Variants in WNT9B observed in about 807,000 individuals in gnomAD.
WNT9B encodes protein Wnt-9b.
A neutral mutation model predicts 30.2 loss-of-function variants in WNT9B; 12 were observed. The ratio of observed to expected loss-of-function variants is 0.40; its 90% CI spans 0.26 to 0.64. The LOEUF is 0.64. Among genes scored for constraint, WNT9B ranks in the 30% least tolerant of loss-of-function variants. WNT9B has a pLI of 0.42. For missense variants in WNT9B, 442 were observed against 485.2 expected, an observed-to-expected ratio of 0.91 and a Z score of 0.84; for synonymous variants, 218 against 216.9, an observed-to-expected ratio of 1.01 and a Z score of -0.05.
rs1035791283 is a variant in WNT9B, at chr17:46,879,970, C to T, written c.*3252C>T. ...AAGCTTGGGCTACACCACTGGGCCC[C>T]TCCCAACCTACAGATGAATTTTGAT... is the stretch of plus-strand genomic sequence containing the variant. On this transcript the variant is annotated 3_prime_UTR_variant, in exon 4 of 4. Transcript: ENST00000290015. Among the ~76,000 whole-genome samples the T allele has an allele frequency of 6.6e-6, 1 of 152,240 alleles. No individual in the cohort carries two copies. The highest frequency in any genetic ancestry group is 2.4e-5 in the African/African-American group (1 of 41,466).
intron 2 of WNT9B, 34 bp from the exon 3 acceptor site, chr17:46,875,067 C>T: frequency 6.2e-7 from 1 of 1,613,382 alleles, no homozygotes; most frequent in South Asian, 1.1e-5. Flanking sequence ...TTCCCCCTTT[C>T]CTCCCTCCCT....
At chr17:46,838,252 G>A (rs1285188520) in intron 1 of WNT9B, among the ~76,000 whole-genome samples, 1 of 151,790 alleles carries the variant, frequency 6.6e-6, no homozygotes, top group Non-Finnish European at 1.5e-5. Flanking sequence ...AAGGTGGGGA[G>A]GGAAGGAAGG....
intron 1 of WNT9B, among the ~76,000 whole-genome samples, chr17:46,870,904 CTTTTT>C (rs144277402): frequency 7.7e-5 from 6 of 78,388 alleles, no homozygotes; most frequent in African/African-American, 2.5e-4. Flanking sequence ...TCCACCTTTG[CTTTTT>C]TTTTTTTTTT....
Position 46,851,685 on chromosome 17 carries a change from C to T in WNT9B, c.47C>T (p.Ala16Val). The stretch of plus-strand genomic sequence containing the variant: ...GCCCTGGCCGGGCTCTGCCTGCTGG[C>T]GCTGCCCGCCGCCGCCGCCTCCTAC... ...ALALAGLCLL[A>V]LPAAAASYFG... The change falls in exon 1 of 4, where the codon GCG (alanine) becomes GTG (valine). Residue 16 changes from alanine to valine, a missense_variant. Coordinates refer to ENST00000290015, the MANE Select transcript of WNT9B (RefSeq NM_003396.3). This position sits in a 1 kb window ranked among gnomAD's most constrained non-coding sequence, Gnocchi z 4.3. 7.6e-7 allele frequency: 1 copy of T among 1,308,694 alleles called. No individual in the cohort carries two copies. Among genetic ancestry groups the T allele is most frequent in the Middle Eastern group, 2.7e-4 (1 of 3,656 alleles). The allele number at this position is 1,308,694 out of a possible 1,614,324, so 81.1% of individuals were successfully genotyped here.
rs1431848216 is a variant in WNT9B at position 46,875,335 on chromosome 17, C to G, written c.569C>G (p.Ala190Gly). ...GGAAACAAGGACCTGCGGGCACGGGCAGACGCCCACAATACCCACGTGGGC... is the reference window on the plus strand; with the variant it reads ...GGAAACAAGGACCTGCGGGCACGGGGAGACGCCCACAATACCCACGTGGGC... ...KRGNKDLRAR[A>G]DAHNTHVGIK... The change falls in exon 3 of 4, where the codon GCA becomes GGA. Residue 190 changes from alanine to glycine, a missense_variant. Transcript: ENST00000290015. 6.2e-7 allele frequency: 1 copy of G among 1,611,024 alleles called. No homozygotes were observed. The highest frequency in any genetic ancestry group is 1.3e-5 in the African/African-American group (1 of 75,022).
At chr17:46,856,062 C>G (rs1202616001) in intron 1 of WNT9B, among the ~76,000 whole-genome samples, 1 of 152,186 alleles carries the variant, frequency 6.6e-6, no homozygotes, top group Admixed American at 6.6e-5. Context: ...GTTTTTAAAT[C>G]ATAATTAACT....
At chr17:46,838,376 C>T (rs1293486951) in intron 1 of WNT9B, among the ~76,000 whole-genome samples, 24 of 151,492 alleles carry the variant, frequency 1.6e-4, no homozygotes, top group African/African-American at 5.8e-4. Context: ...CTTGTAATCC[C>T]AACTTTTTGG....
In WNT9B at chr17:46,879,028, AC is replaced by A. The variant is rs917863541; in HGVS notation, c.*2311del. Reference sequence around the variant, plus strand: ...GGGGCCCCTGGGGACTAGAGTGACCACTGACCCCTCATTCTACAGCTTTAAG... The same window carrying A: ...GGGGCCCCTGGGGACTAGAGTGACCATGACCCCTCATTCTACAGCTTTAAG... On this transcript the variant is annotated 3_prime_UTR_variant, in exon 4 of 4. Coordinates refer to ENST00000290015, the MANE Select transcript of WNT9B (RefSeq NM_003396.3). Among the ~76,000 whole-genome samples, 8 of 152,308 alleles carry A rather than the reference AC, an allele frequency of 5.3e-5. No individual in the cohort carries two copies. The highest frequency in any genetic ancestry group is 1.2e-4 in the Non-Finnish European group (8 of 67,998).
chr17:46,839,912 TTTTCTTTCTTTCTTTCTTTCTTTCTTTC>T lies in WNT9B; in HGVS notation c.95+6510_95+6537del, dbSNP rs10635916. 1.2e-3 allele frequency among the ~76,000 whole-genome samples: 132 copies of T among 113,408 alleles called. 2 individuals carry two copies. The Middle Eastern group carries it at 0.013, about 11-fold the overall frequency. 74.4% of individuals were successfully genotyped at this position (113,408 alleles called of 152,430 possible). A position where few individuals can be genotyped will look rare whatever the true frequency, so the allele number is the denominator to read the frequency against. ...TGGTGTATATGTGCCACATTTTCTC[TTTTCTTTCTTTCTTTCTTTCTTTCTTTC>T]TTTCTTTCTTTCTTTCTTTCTTTCT... On this transcript the variant is annotated intron_variant, in intron 1 of 2. Coordinates refer to the WNT9B transcript ENST00000575372.
intron 1 of WNT9B, among the ~76,000 whole-genome samples, chr17:46,838,532 C>G (rs1475298567): frequency 1.3e-5 from 2 of 152,038 alleles, no homozygotes; most frequent in African/African-American, 4.8e-5. Context: ...GAGGCTAAGG[C>G]AGGAGGATCG....
rs1274927573 is a variant in WNT9B, at chr17:46,879,193, G to A, written c.*2475G>A. Among the ~76,000 whole-genome samples the A allele has an allele frequency of 6.6e-6, 1 of 152,184 alleles. No homozygotes were observed. The highest frequency in any genetic ancestry group is 1.5e-5 in the Non-Finnish European group (1 of 68,030). ...GCTATATTTCACAGACAGCACAGGT[G>A]GGGTTTGTGTATTTTCCCGGAAACC... On this transcript the variant is annotated 3_prime_UTR_variant, in exon 4 of 4. Transcript: ENST00000290015.
At chr17:46,872,416 G>A (rs1391094975) in intron 1 of WNT9B, 101 bp from the exon 2 acceptor site, 7 of 1,386,726 alleles carry the variant, frequency 5.0e-6, no homozygotes, top group Non-Finnish European at 1.9e-6. Context: ...CTGCTGCCCA[G>A]AAGGGCAGTA....
In WNT9B at chr17:46,877,349, C is replaced by A. The variant is rs770043303; in HGVS notation, c.*631C>A. On this transcript the variant is annotated 3_prime_UTR_variant, in exon 4 of 4. Transcript: ENST00000290015. ...GTGCTTGAGTGGACCCGAGTGAGAT[C>A]TGTGCCCTGGAGCCCTGTGTCCTTG... Among the ~76,000 whole-genome samples, 1 of 152,236 alleles carries A rather than the reference C, an allele frequency of 6.6e-6. No individual in the cohort carries two copies. Among genetic ancestry groups the A allele is most frequent in the Non-Finnish European group, 1.5e-5 (1 of 68,042 alleles).
intron 1 of WNT9B, among the ~76,000 whole-genome samples, chr17:46,861,307 G>T (rs1252010606): frequency 6.6e-6 from 1 of 152,092 alleles, no homozygotes; most frequent in Non-Finnish European, 1.5e-5. Context: ...AGACCTCGGG[G>T]CCCTGCTGTT....
intron 1 of WNT9B, among the ~76,000 whole-genome samples, chr17:46,838,249 G>C (rs746900598): frequency 5.1e-4 from 77 of 151,918 alleles, no homozygotes; most frequent in Admixed American, 5.1e-3. Context: ...GGTAAGGTGG[G>C]GAGGGAAGGA....
chr17:46,867,714 AG>A (rs149110954), intron 1 of WNT9B, among the ~76,000 whole-genome samples: 5,770 of 152,128 alleles, frequency 0.038, 394 homozygotes, highest in African/African-American at 0.13. Flanking sequence ...TGTGTTGGAG[AG>A]TGTGAAAGGA....
downstream of WNT9B, chr17:46,885,236 CCT>C (rs1439274472): frequency 4.3e-5 from 13 of 300,286 alleles, no homozygotes; most frequent in African/African-American, 3.0e-4. Flanking sequence ...GAACTCCCGA[CCT>C]CAGGTGATCC....
intron 1 of WNT9B, among the ~76,000 whole-genome samples, chr17:46,863,442 G>T (rs749169885): frequency 6.6e-6 from 1 of 152,208 alleles, no homozygotes; most frequent in East Asian, 1.9e-4. Flanking sequence ...GAGCTTACAG[G>T]ATACAGCTTT....
chr17:46,840,374 C>T (rs547445869), intron 1 of WNT9B, among the ~76,000 whole-genome samples: 10 of 152,330 alleles, frequency 6.6e-5, no homozygotes, highest in Admixed American at 2.6e-4. Context: ...GCGCGAGCCA[C>T]GGTGCCCAGC....
Sources: allele counts gnomAD v4.1 joint callset (sites outside exome capture counted in the v4.1 genomes callset), GRCh38; gene constraint gnomAD v4.1.1; non-coding constraint Gnocchi (gnomAD v3.1); transcripts MANE v1.5; gene names NCBI Gene and HGNC (gene_info 2026-07-23, HGNC 2026-07-21).